The following ADGRG3 variants were observed in gnomAD, a reference collection of about 807,000 sequenced individuals.
ADGRG3 encodes adhesion G protein-coupled receptor G3.
Under a neutral mutation model 54.3 loss-of-function variants are expected in ADGRG3, and 39 were observed. The ratio of observed to expected loss-of-function variants is 0.72; its 90% CI spans 0.56 to 0.94. The LOEUF (loss-of-function observed/expected upper bound fraction) is 0.94, where lower values mean the gene tolerates loss of function less well. Among genes scored for constraint, ADGRG3 ranks in the 40% least tolerant of loss-of-function variants. The pLI, the probability that ADGRG3 is intolerant of heterozygous loss-of-function variation, is 0.00. For missense variants in ADGRG3, 654 were observed against 694.6 expected (o/e 0.94, Z 0.66); for synonymous variants, 312 against 290.0 (o/e 1.08, Z -0.77).
In ADGRG3 at chr16:57,688,781, G is replaced by A. The variant is rs2048521012; in HGVS notation, c.*320G>A. On this transcript the variant is annotated 3_prime_UTR_variant, in exon 12 of 12. Transcript: ENST00000333493. ...CTCACCTTCTGGTCTCAGCAAGGGA[G>A]GAGAGTCTGTTGCTGGCATAGCCCT... 1.6e-5 allele frequency: 4 copies of A among 248,504 alleles called. No homozygotes were observed. The highest frequency in any genetic ancestry group is 3.2e-5 in the Non-Finnish European group (4 of 124,856). The allele number at this position is 248,504 out of a possible 1,614,324, so 15.4% of individuals were successfully genotyped here.
intron 2 of ADGRG3, chr16:57,674,586 C>CAGGT: frequency 2.2e-6 from 1 of 455,708 alleles, no homozygotes; most frequent in Non-Finnish European, 4.4e-6. Flanking sequence ...TTCCCACCTG[C>CAGGT]AGGTGATCCA....
intron 1 of ADGRG3, among the ~76,000 whole-genome samples, chr16:57,671,782 G>T (rs1206499164): frequency 1.3e-5 from 2 of 152,150 alleles, no homozygotes; most frequent in African/African-American, 4.8e-5. Context: ...ACCAAGAGGG[G>T]ACCGGTTAAA....
chr16:57,667,209 G>A (rs1478364492), upstream of ADGRG3, among the ~76,000 whole-genome samples: 2 of 152,258 alleles, frequency 1.3e-5, no homozygotes, highest in Non-Finnish European at 2.9e-5. Context: ...AGGAGGAAAT[G>A]GAGGCCAGCA....
intron 2 of ADGRG3, chr16:57,674,684 A>G (rs1327149675): frequency 4.9e-6 from 2 of 407,618 alleles, no homozygotes; most frequent in Non-Finnish European, 9.9e-6. Context: ...CAAGTCTCCA[A>G]ACAAAAGCTT....
At chr16:57,683,839 G>C (rs1464517855) in intron 8 of ADGRG3, 93 bp from the exon 9 acceptor site, 1 of 1,011,678 alleles carries the variant, frequency 9.9e-7, no homozygotes, top group Non-Finnish European at 1.4e-6. Flanking sequence ...GGGGTGGAGA[G>C]CCATAGGCTA....
chr16:57,686,008 C>T (rs1201294352), intron 11 of ADGRG3, 82 bp downstream of exon 11: 2 of 1,377,210 alleles, frequency 1.5e-6, no homozygotes, highest in Non-Finnish European at 2.0e-6. Context: ...GGGTGGTTTG[C>T]AAGACACAGG....
rs554076542 is a variant in ADGRG3, at chr16:57,684,468, G to A, written c.1241G>A (p.Arg414His). 5.0e-5 allele frequency: 80 copies of A among 1,612,986 alleles called. No homozygotes were observed. The highest frequency in any genetic ancestry group is 1.7e-4 in the Middle Eastern group (1 of 6,058). Residue 414 changes from arginine to histidine, a missense_variant, in exon 10 of 12, where the codon CGC becomes CAC. Arg to His is a conservative substitution (Grantham distance 29, BLOSUM62 0). Coordinates refer to ENST00000333493, the MANE Select transcript of ADGRG3 (RefSeq NM_170776.5). ...TACACCATCCGTGATAGGGAGAACC[G>A]CACCTCTCTGGAGCTGTGAGTGGCG... ...GLYTIRDREN[R>H]TSLELCWFRE...
chr16:57,682,088 C>T (rs915755071), intron 8 of ADGRG3, among the ~76,000 whole-genome samples: 5 of 152,250 alleles, frequency 3.3e-5, no homozygotes, highest in African/African-American at 9.6e-5. Context: ...CCCCTGGCCC[C>T]TGACTTATGA....
At chr16:57,668,492 T>C (rs1380858843) in intron 1 of ADGRG3, 87 bp downstream of exon 1, 5 of 1,270,534 alleles carry the variant, frequency 3.9e-6, no homozygotes, top group Admixed American at 4.0e-5. Context: ...ACGCAGGGAC[T>C]GGAGAAGGTG....
chr16:57,671,896 G>A (rs180691623), intron 1 of ADGRG3, among the ~76,000 whole-genome samples: 35 of 152,348 alleles, frequency 2.3e-4, no homozygotes, highest in Admixed American at 2.1e-3. Context: ...GGTAGCTCAT[G>A]CCTATAAATC....
intron 1 of ADGRG3, among the ~76,000 whole-genome samples, chr16:57,672,016 TA>T (rs779109927): frequency 2.0e-5 from 3 of 151,082 alleles, no homozygotes; most frequent in African/African-American, 7.3e-5. Context: ...ATAAACAACA[TA>T]AAAAAAGGAA....
intron 10 of ADGRG3, among the ~76,000 whole-genome samples, chr16:57,685,313 C>T (rs138748709): frequency 0.012 from 1,818 of 152,324 alleles, 39 homozygotes; most frequent in African/African-American, 0.038. Context: ...AGGAGGGCAT[C>T]CACAGAGCTG....
intron 2 of ADGRG3, among the ~76,000 whole-genome samples, chr16:57,673,673 G>T (rs138758603): frequency 3.2e-4 from 48 of 152,248 alleles, no homozygotes; most frequent in African/African-American, 1.1e-3. Flanking sequence ...ATTCAGAGAT[G>T]AATCCACTCC....
In ADGRG3 at chr16:57,675,016, AGC is replaced by A. The variant is rs1567853507; in HGVS notation, c.207-1183_207-1182del. The stretch of plus-strand genomic sequence containing the variant: ...ATCTCAAAAAAAAAAAAAAAAAAGC[AGC>A]AGCAGCAGCAGCAGCAGCATCTTGT... On this transcript the variant is annotated intron_variant, in intron 2 of 11. Coordinates refer to ENST00000333493, the MANE Select transcript of ADGRG3 (RefSeq NM_170776.5). 3.7e-3 allele frequency among the ~76,000 whole-genome samples: 525 copies of A among 141,364 alleles called. 2 individuals are homozygous for A. The highest frequency in any genetic ancestry group is 7.0e-3 in the Non-Finnish European group (451 of 64,360). 92.7% of individuals were successfully genotyped at this position (141,364 alleles called of 152,430 possible). A position where few individuals can be genotyped will look rare whatever the true frequency, so the allele number is the denominator to read the frequency against.
rs111632062 is a variant in ADGRG3, at chr16:57,679,683, T to C, written c.628-133T>C. 2,043 of 782,334 alleles carry C rather than the reference T, an allele frequency of 2.6e-3. 29 individuals carry two copies. In the African/African-American group the frequency reaches 0.03, roughly 11 times the overall value. 48.5% of individuals were successfully genotyped at this position (782,334 alleles called of 1,614,324 possible). A position where few individuals can be genotyped will look rare whatever the true frequency, so the allele number is the denominator to read the frequency against. ...GCACTTAATTTTTCTGTGTGGCCCA[T>C]GGGTGTGAACCTTGCTTTCTACCTA... On this transcript the variant is annotated intron_variant, in intron 5 of 11. Coordinates refer to ENST00000333493, the MANE Select transcript of ADGRG3 (RefSeq NM_170776.5).
At chr16:57,685,959 G>T in intron 11 of ADGRG3, 33 bp downstream of exon 11, 1 of 1,605,490 alleles carries the variant, frequency 6.2e-7, no homozygotes, top group South Asian at 1.1e-5. Context: ...GTGATGGGCT[G>T]TGTTGTCTGT....
chr16:57,669,928 G>T (rs543114012), intron 1 of ADGRG3, among the ~76,000 whole-genome samples: 24 of 152,320 alleles, frequency 1.6e-4, no homozygotes, highest in African/African-American at 4.6e-4. Flanking sequence ...AGCAAGGAGG[G>T]TGGTCACTGG....
At chr16:57,676,149 G>C in intron 2 of ADGRG3, 51 bp from the exon 3 acceptor site, 1 of 1,573,176 alleles carries the variant, frequency 6.4e-7, no homozygotes, top group South Asian at 1.1e-5. Context: ...TGATGAGTGA[G>C]TAACTCAGCC....
chr16:57,673,643 G>C (rs1329226131), intron 2 of ADGRG3, among the ~76,000 whole-genome samples, 175 bp downstream of exon 2: 1 of 152,128 alleles, frequency 6.6e-6, no homozygotes, highest in Admixed American at 6.6e-5. Context: ...TAGCAGTTGG[G>C]GTACCTACTG....
Sources: gnomAD v4.1 joint callset for allele counts (sites outside exome capture counted in the v4.1 genomes callset) on GRCh38, gnomAD v4.1.1 for gene constraint, MANE v1.5 for transcripts, NCBI Gene and HGNC (gene_info 2026-07-23, HGNC 2026-07-21) for gene names.